TFRC: variants seen among roughly 807,000 people sequenced by gnomAD.
TFRC encodes transferrin receptor.
A neutral mutation model predicts 85.8 loss-of-function variants in TFRC; 35 were observed. The ratio of observed to expected loss-of-function variants is 0.41; its 90% CI spans 0.31 to 0.54. The LOEUF is 0.54. Among genes scored for constraint, TFRC ranks in the 20% least tolerant of loss-of-function variants. The pLI, the probability that TFRC is intolerant of heterozygous loss-of-function variation, is 0.31. For missense variants in TFRC, 828 were observed against 921.5 expected, an observed-to-expected ratio of 0.90 and a Z score of 1.31; for synonymous variants, 362 against 328.6, an observed-to-expected ratio of 1.10 and a Z score of -1.10.
At chr3:196,061,561 C>T (rs1717284658) in intron 13 of TFRC, among the ~76,000 whole-genome samples, 1 of 152,066 alleles carries the variant, frequency 6.6e-6, no homozygotes, top group African/African-American at 2.4e-5. Flanking sequence ...GCCATCTTGG[C>T]TCACTGCAAC....
At chr3:196,058,484 C>A in intron 15 of TFRC, 90 bp downstream of exon 15, 1 of 1,486,968 alleles carries the variant, frequency 6.7e-7, no homozygotes, top group Non-Finnish European at 9.3e-7. Flanking sequence ...TAAGTAAGTT[C>A]AATGCAAGGA....
At chr3:196,052,573 T>C (rs1716421943) in intron 18 of TFRC, among the ~76,000 whole-genome samples, 1 of 152,098 alleles carries the variant, frequency 6.6e-6, no homozygotes, top group Non-Finnish European at 1.5e-5. Context: ...CCTGAGCAGC[T>C]GGAATTACAG....
At chr3:196,058,751 A>T (rs1717033220) in intron 14 of TFRC, 119 bp from the exon 15 acceptor site, 1 of 570,286 alleles carries the variant, frequency 1.8e-6, no homozygotes, top group African/African-American at 1.9e-5. Context: ...TATCTTCTTG[A>T]AAAGAAATTA....
Position 196,073,933 on chromosome 3 carries a change from A to G in TFRC, c.431T>C (p.Ile144Thr). Residue 144 changes from isoleucine (I) to threonine (T), a missense_variant, in exon 4 of 19, where the codon ATC becomes ACC. Coordinates refer to ENST00000360110, the MANE Select transcript of TFRC (RefSeq NM_001128148.3). ...TTGCACAGCAGCTGGCACTCACTTGATGGTGCCGGTGAAGTCTGTGCTGTC... is the reference window on the plus strand; with the variant it reads ...TTGCACAGCAGCTGGCACTCACTTGGTGGTGCCGGTGAAGTCTGTGCTGTC... ...KLDSTDFTGTIKLLNENSYVP... is the reference protein window; with the variant it reads ...KLDSTDFTGTTKLLNENSYVP... The G allele has an allele frequency of 6.2e-7, 1 of 1,611,552 alleles. No individual in the cohort carries two copies. Among genetic ancestry groups the G allele is most frequent in the Non-Finnish European group, 8.5e-7 (1 of 1,178,534 alleles).
chr3:196,072,245 A>G (rs1401929310), intron 4 of TFRC, 93 bp from the exon 5 acceptor site: 1 of 1,472,314 alleles, frequency 6.8e-7, no homozygotes, highest in Admixed American at 2.1e-5. Flanking sequence ...AAAGCAAAAT[A>G]TTATCCCTCA....
At chr3:196,073,460 T>G (rs1281196415) in intron 4 of TFRC, among the ~76,000 whole-genome samples, 2 of 151,732 alleles carry the variant, frequency 1.3e-5, no homozygotes, top group Non-Finnish European at 2.9e-5. Flanking sequence ...GGCCTAGGGG[T>G]TAATGGGTGA....
At chr3:196,058,518 AGTAG>A in intron 15 of TFRC, 52 bp downstream of exon 15, 1 of 1,532,884 alleles carries the variant, frequency 6.5e-7, no homozygotes, top group South Asian at 1.2e-5. Flanking sequence ...TACCTAATGT[AGTAG>A]GTAGAATCTC....
In TFRC at chr3:196,073,099, G is replaced by C. The variant is rs188331298; in HGVS notation, c.434+831C>G. 2.1e-3 allele frequency among the ~76,000 whole-genome samples: 314 copies of C among 149,822 alleles called. 5 individuals are homozygous for C. The highest frequency in any genetic ancestry group is 0.02 in the Admixed American group (294 of 14,914). On this transcript the variant is annotated intron_variant, in intron 4 of 18. Coordinates refer to ENST00000360110, the MANE Select transcript of TFRC (RefSeq NM_001128148.3). ...GCAGAGCATGGTGGTACAAGCCTGT[G>C]ATCTCAGCTACTCAGGAGACTGAGG... is the stretch of plus-strand genomic sequence containing the variant.
At position 196,058,620 on chromosome 3, in the gene TFRC, C is replaced by T. The variant is rs768134450; in HGVS notation, c.1549G>A (p.Val517Ile). 6.2e-7 allele frequency: 1 copy of T among 1,610,768 alleles called. No individual in the cohort carries two copies. ...EKTMQNVKHP[V>I]TGQFLYQDSN... ...TCCTGATATAGAAATTGCCCAGTAA[C>T]CGGATGCTTCACCTGTAAGATAAGA... is the stretch of plus-strand genomic sequence containing the variant. The change falls in exon 15 of 19, where the codon GTT becomes ATT. Residue 517 changes from valine to isoleucine, a missense_variant. Physicochemically the swap from Val to Ile is conservative, Grantham distance 29. Transcript: ENST00000360110.
At chr3:196,063,272 A>T (rs1717436242) in intron 11 of TFRC, 1 of 191,466 alleles carries the variant, frequency 5.2e-6, no homozygotes, top group Non-Finnish European at 1.1e-5. Context: ...GGACCCAGAG[A>T]TCATTGAAAA....
rs867646380 is a variant in TFRC at position 196,071,398 on chromosome 3, T to C, written c.685A>G (p.Thr229Ala). ...ATGCACTGTTTTGCTTTACTTACAGTAACTGTTGCAGCCTTACTATACGCC... is the reference window on the plus strand; with the variant it reads ...ATGCACTGTTTTGCTTTACTTACAGCAACTGTTGCAGCCTTACTATACGCC... ...YVAYSKAATV[T>A]GKLVHANFGT... Residue 229 changes from threonine to alanine, a missense_variant and splice_region_variant, in exon 6 of 19, where the codon ACT (threonine) becomes GCT (alanine). Physicochemically the swap from Thr to Ala is moderately conservative, Grantham distance 58 (BLOSUM62 0). Transcript: ENST00000360110. The C allele has an allele frequency of 5.0e-6, 8 of 1,613,586 alleles. No individual in the cohort carries two copies. The highest frequency in any genetic ancestry group is 6.8e-6 in the Non-Finnish European group (8 of 1,179,526).
chr3:196,065,523 A>C lies in TFRC; in HGVS notation c.1118T>G (p.Val373Gly). ...CRMVTSESKN[V>G]KLTVSNVLKE... Reference sequence around the variant, plus strand: ...CAGCACATTGCTCACAGTGAGCTTCACATTCTTGCTTTCTGAGGTTACCAT... The same window carrying C: ...CAGCACATTGCTCACAGTGAGCTTCCCATTCTTGCTTTCTGAGGTTACCAT... Residue 373 changes from valine (V) to glycine (G), a missense_variant, in exon 10 of 19, where the codon GTG (valine) becomes GGG (glycine). Physicochemically the swap from Val to Gly is moderately radical, Grantham distance 109. Transcript: ENST00000360110. 1 of 1,609,548 alleles carries C rather than the reference A, an allele frequency of 6.2e-7. No homozygotes were observed.
At chr3:196,077,713 C>T (rs1357097862) in intron 1 of TFRC, among the ~76,000 whole-genome samples, 2 of 151,894 alleles carry the variant, frequency 1.3e-5, no homozygotes, top group East Asian at 1.9e-4. Context: ...GATCGCGCCA[C>T]TGCACTCCAG....
intron 6 of TFRC, among the ~76,000 whole-genome samples, 153 bp downstream of exon 6, chr3:196,071,243 T>G (rs769134201): frequency 6.6e-6 from 1 of 152,206 alleles, no homozygotes; most frequent in Non-Finnish European, 1.5e-5. Flanking sequence ...GAGAAGACAA[T>G]GCATGTTGAC....
intron 10 of TFRC, among the ~76,000 whole-genome samples, chr3:196,064,861 A>C (rs1462249473): frequency 6.6e-6 from 1 of 152,192 alleles, no homozygotes; most frequent in Non-Finnish European, 1.5e-5. Flanking sequence ...CCCCTTAAGA[A>C]ATTTGCTTAT....
chr3:196,074,288 C>T (rs1051718143), intron 3 of TFRC, 163 bp from the exon 4 acceptor site: 7 of 557,696 alleles, frequency 1.3e-5, no homozygotes, highest in Admixed American at 3.7e-5. Context: ...CTTTAAACCA[C>T]TTAATAAATT....
At chr3:196,075,075 A>AAAAT in intron 3 of TFRC, 84 bp downstream of exon 3, 5 of 1,172,748 alleles carry the variant, frequency 4.3e-6, no homozygotes, top group Non-Finnish European at 4.9e-6. Context: ...AATAAGGTAC[A>AAAAT]AAATAACTAT....
chr3:196,052,058 T>C lies in TFRC; in HGVS notation c.2167A>G (p.Asn723Asp). ...AACAGCGTTTCATTAAAAGCACCGT[T>C]ATTTTGTTTACGCAGTTTCAAGTTC... ...LENLKLRKQN[N>D]GAFNETLFRN... Residue 723 changes from asparagine to aspartate, a missense_variant, in exon 19 of 19, where the codon AAC becomes GAC. Physicochemically the swap from Asn to Asp is conservative, Grantham distance 23. Transcript: ENST00000360110. 1 of 1,614,144 alleles carries C rather than the reference T, an allele frequency of 6.2e-7. No individual in the cohort carries two copies. Among genetic ancestry groups the C allele is most frequent in the Non-Finnish European group, 8.5e-7 (1 of 1,180,010 alleles).
chr3:196,064,537 T>A, intron 10 of TFRC, 109 bp from the exon 11 acceptor site: 1 of 962,330 alleles, frequency 1.0e-6, no homozygotes, highest in Non-Finnish European at 1.4e-6. Flanking sequence ...GTATTAAGGA[T>A]AAAAGAGCCT....
Sources: gnomAD v4.1 joint callset for allele counts (sites outside exome capture counted in the v4.1 genomes callset) on GRCh38, gnomAD v4.1.1 for gene constraint, MANE v1.5 for transcripts, NCBI Gene and HGNC (gene_info 2026-07-23, HGNC 2026-07-21) for gene names.